The following TYRP1 variants were observed in gnomAD, a reference collection of about 807,000 sequenced individuals.
The protein encoded by TYRP1 is 5,6-dihydroxyindole-2-carboxylic acid oxidase.
TYRP1 carries 49 observed loss-of-function variants against 42.8 expected under a neutral mutation model. That is an observed-to-expected ratio of 1.14 (90% CI 0.91 to 1.45). The LOEUF (loss-of-function observed/expected upper bound fraction) is 1.45, where lower values mean the gene tolerates loss of function less well. Ranked by LOEUF, TYRP1 falls within the 40% of genes most tolerant of loss-of-function variation. The probability of loss-of-function intolerance (pLI) is 0.00; values close to 1 mark genes in which losing one functional copy is unlikely to be tolerated. For synonymous variants in TYRP1, 279 were observed against 235.4 expected, an observed-to-expected ratio of 1.19 and a Z score of -1.69; for missense variants, 848 against 662.0, an observed-to-expected ratio of 1.28 and a Z score of -3.08.
At chr9:12,699,026 G>C (rs1818123940) in intron 4 of TYRP1, among the ~76,000 whole-genome samples, 1 of 151,964 alleles carries the variant, frequency 6.6e-6, no homozygotes, top group Non-Finnish European at 1.5e-5. Context: ...CTAAGAAAAT[G>C]TGAAAAATAG....
intron 6 of TYRP1, 136 bp from the exon 7 acceptor site, chr9:12,707,861 A>C (rs10809828): frequency 3.8e-6 from 3 of 799,760 alleles, no homozygotes; most frequent in Non-Finnish European, 5.8e-6. Flanking sequence ...GTGAAACTTC[A>C]TATCTTTATT....
rs754642924 is a variant in TYRP1, at chr9:12,702,305, T to G, written c.948T>G (p.Ala316=). The G allele has an allele frequency of 5.5e-5, 88 of 1,613,076 alleles. No homozygotes were observed. Among genetic ancestry groups the G allele is most frequent in the African/African-American group, 1.1e-4 (8 of 74,868 alleles). ...TEDGPIRRNP[A]GNVARPMVQR... ...ATGGGCCAATTAGGAGAAATCCAGC[T>G]GGAAATGTGGCCAGACCAATGGTGC... The change falls in exon 5 of 8, where the codon GCT becomes GCG. Residue 316 remains alanine (A), a synonymous_variant. Coordinates refer to ENST00000388918, the MANE Select transcript of TYRP1 (RefSeq NM_000550.3).
intron 5 of TYRP1, among the ~76,000 whole-genome samples, chr9:12,703,029 A>C (rs1468695646): frequency 6.6e-6 from 1 of 152,012 alleles, no homozygotes; most frequent in Non-Finnish European, 1.5e-5. Context: ...AATTACTATC[A>C]CAAGATATTC....
chr9:12,705,016 A>G (rs894332676), intron 6 of TYRP1, among the ~76,000 whole-genome samples: 4 of 152,058 alleles, frequency 2.6e-5, no homozygotes, highest in African/African-American at 9.7e-5. Flanking sequence ...ATCTTCCAAC[A>G]TAAATTCTCA....
intron 3 of TYRP1, 140 bp from the exon 4 acceptor site, chr9:12,698,311 C>T (rs1473794204): frequency 2.4e-6 from 2 of 836,924 alleles, no homozygotes; most frequent in Non-Finnish European, 3.9e-6. Context: ...CTCTGGGCCC[C>T]TCAGACACCG....
In TYRP1 at chr9:12,710,234, T is replaced by G. The variant is rs939680593; in HGVS notation, c.*1052T>G. On this transcript the variant is annotated 3_prime_UTR_variant, in exon 8 of 8. Coordinates refer to ENST00000388918, the MANE Select transcript of TYRP1 (RefSeq NM_000550.3). ...GTATAAGGTGGTCATAAGTGAATATTTTAATTAAAATTGGTAAAAATAAAT... is the reference window on the plus strand; with the variant it reads ...GTATAAGGTGGTCATAAGTGAATATGTTAATTAAAATTGGTAAAAATAAAT... The G allele has an allele frequency of 1.6e-4, 23 of 145,672 alleles. No homozygotes were observed. Among genetic ancestry groups the G allele is most frequent in the African/African-American group, 5.1e-4 (21 of 40,924 alleles). 9.0% of individuals were successfully genotyped at this position (145,672 alleles called of 1,614,324 possible). A position where few individuals can be genotyped will look rare whatever the true frequency, so the allele number is the denominator to read the frequency against.
In TYRP1 at chr9:12,710,098, GTCT is replaced by G. The variant is rs1019870543; in HGVS notation, c.*921_*923del. On this transcript the variant is annotated 3_prime_UTR_variant, in exon 8 of 8. Transcript: ENST00000388918. ...AAAATATTAACATATTATTTCATTG[GTCT>G]TCTTTTTTATCTGGTTCTATATGAA... 6 of 151,316 alleles carry G rather than the reference GTCT, an allele frequency of 4.0e-5. No homozygotes were observed. Among genetic ancestry groups the G allele is most frequent in the African/African-American group, 9.7e-5 (4 of 41,252 alleles). 9.4% of individuals were successfully genotyped at this position (151,316 alleles called of 1,614,324 possible). A position where few individuals can be genotyped will look rare whatever the true frequency, so the allele number is the denominator to read the frequency against.
At position 12,704,566 on chromosome 9, in the gene TYRP1, A is replaced by C; in HGVS notation, c.1122A>C (p.Arg374=). 6.2e-7 allele frequency: 1 copy of C among 1,613,030 alleles called. No homozygotes were observed. The highest frequency in any genetic ancestry group is 8.5e-7 in the Non-Finnish European group (1 of 1,179,470). ...CGGGAAAGTATGACCCTGCTGTTCG[A>C]AGTCTTCACAATTTGGCTCATCTAT... ...DPTGKYDPAV[R]SLHNLAHLFL... Residue 374 remains arginine, a synonymous_variant, in exon 6 of 8, where the codon CGA becomes CGC. Transcript: ENST00000388918.
intron 4 of TYRP1, 104 bp from the exon 5 acceptor site, chr9:12,702,167 G>T (rs747400096): frequency 4.1e-5 from 51 of 1,255,450 alleles, no homozygotes; most frequent in Non-Finnish European, 5.5e-5. Context: ...TTCTACCAAG[G>T]AAAACCTATA....
chr9:12,698,742 A>G (rs1818118991), intron 4 of TYRP1, 87 bp downstream of exon 4: 2 of 1,226,448 alleles, frequency 1.6e-6, no homozygotes, highest in East Asian at 2.5e-5. Flanking sequence ...TCATTCTACT[A>G]GAGAATTCAG....
At position 12,695,728 on chromosome 9, in the gene TYRP1, T is replaced by C. The variant is rs779391347; in HGVS notation, c.599T>C (p.Phe200Ser). The change falls in exon 3 of 8, where the codon TTC becomes TCC. Residue 200 changes from phenylalanine (F) to serine (S), a missense_variant. Phe to Ser is a radical substitution (Grantham distance 155). Transcript: ENST00000388918. ...CACTATTACTCAGTCAAAAAGACTT[T>C]CCTTGGGGTAGGACAGGAAAGCTTT... ...WTHYYSVKKT[F>S]LGVGQESFGE... 2 of 1,614,180 alleles carry C rather than the reference T, an allele frequency of 1.2e-6. No individual in the cohort carries two copies. Among genetic ancestry groups the C allele is most frequent in the Non-Finnish European group, 8.5e-7 (1 of 1,180,034 alleles).
chr9:12,702,182 A>T (rs1050669660), intron 4 of TYRP1, 89 bp from the exon 5 acceptor site: 1 of 1,353,616 alleles, frequency 7.4e-7, no homozygotes. Flanking sequence ...CCTATATTTC[A>T]TATTCATGCT....
chr9:12,698,372 A>ACTGT (rs1374482203), intron 3 of TYRP1, 79 bp from the exon 4 acceptor site: 1 of 1,350,640 alleles, frequency 7.4e-7, no homozygotes, highest in Non-Finnish European at 1.1e-6. Context: ...ATAGAAATAG[A>ACTGT]CTGTCAGAGA....
intron 6 of TYRP1, among the ~76,000 whole-genome samples, chr9:12,706,254 G>A (rs141586301): frequency 3.2e-4 from 48 of 152,094 alleles, no homozygotes; most frequent in African/African-American, 1.0e-3. Flanking sequence ...TCACAATGCC[G>A]TGGGTGTTAG....
At chr9:12,703,883 A>ATGTGTGTGTG (rs58360847) in intron 5 of TYRP1, among the ~76,000 whole-genome samples, 3,367 of 143,460 alleles carry the variant, frequency 0.023, 65 homozygotes, top group Middle Eastern at 0.043. Flanking sequence ...ATATATATAT[A>ATGTGTGTGTG]TGTGTGTGTG....
chr9:12,703,909 GTATA>G (rs1554648040), intron 5 of TYRP1, among the ~76,000 whole-genome samples: 2 of 121,544 alleles, frequency 1.6e-5, no homozygotes, highest in Non-Finnish European at 3.9e-5. Flanking sequence ...GTGTGTGTGT[GTATA>G]TATGTGTGTG....
chr9:12,696,840 C>T (rs991004066), intron 3 of TYRP1, among the ~76,000 whole-genome samples: 3 of 151,984 alleles, frequency 2.0e-5, no homozygotes, highest in African/African-American at 7.2e-5. Flanking sequence ...ATGAATCTCC[C>T]CCTTCAAGTT....
chr9:12,698,905 G>GCTAA (rs1351205120), intron 4 of TYRP1, among the ~76,000 whole-genome samples: 1 of 152,018 alleles, frequency 6.6e-6, no homozygotes, highest in Admixed American at 6.6e-5. Flanking sequence ...TCAATATCTT[G>GCTAA]CTAACTTTCT....
chr9:12,706,016 C>T (rs1318792889), intron 6 of TYRP1, among the ~76,000 whole-genome samples: 1 of 152,080 alleles, frequency 6.6e-6, no homozygotes, highest in Non-Finnish European at 1.5e-5. Flanking sequence ...AGCCATACAC[C>T]TTTAACAAAT....
Sources: allele counts gnomAD v4.1 joint callset (sites outside exome capture counted in the v4.1 genomes callset), GRCh38; gene constraint gnomAD v4.1.1; transcripts MANE v1.5; gene names NCBI Gene and HGNC (gene_info 2026-07-23, HGNC 2026-07-21).